The following EPHB6 variants were observed in gnomAD, a reference collection of about 807,000 sequenced individuals.
EPHB6 encodes ephrin type-B receptor 6.
Under a neutral mutation model 107.0 loss-of-function variants are expected in EPHB6, and 51 were observed. That is an observed-to-expected ratio of 0.48 (90% confidence interval 0.38 to 0.60). EPHB6 has a LOEUF of 0.60. EPHB6 is among the 20% of genes least tolerant of loss of function. EPHB6 has a pLI of 0.00. For missense variants in EPHB6, 1,141 were observed against 1,355.5 expected (o/e 0.84, Z 2.48); for synonymous variants, 553 against 549.0 (o/e 1.01, Z -0.10).
chr7:142,869,048 G>A lies in EPHB6; in HGVS notation c.2361G>A (p.Leu787=). The A allele has an allele frequency of 7.4e-6, 12 of 1,613,354 alleles. No homozygotes were observed. The highest frequency in any genetic ancestry group is 9.3e-6 in the Non-Finnish European group (11 of 1,180,018). ...GAGTGGCTGCTGCCATGCAGTACCTGTCCAGCTTTGCCTTCGTCCATCGCT... is the reference window on the plus strand; with the variant it reads ...GAGTGGCTGCTGCCATGCAGTACCTATCCAGCTTTGCCTTCGTCCATCGCT... ...QRGVAAAMQY[L]SSFAFVHRSL... is the part of the protein sequence containing the mutation. The change falls in exon 16 of 20, where the codon CTG becomes CTA. Residue 787 remains leucine, a synonymous_variant. Coordinates refer to ENST00000652003, the MANE Select transcript of EPHB6 (RefSeq NM_004445.6). This position sits in a 1 kb window ranked among gnomAD's most constrained non-coding sequence, Gnocchi z 4.5.
rs1224855507 is a variant in EPHB6 at position 142,869,412 on chromosome 7, G to A, written c.2460+265G>A. 2.6e-5 allele frequency among the ~76,000 whole-genome samples: 4 copies of A among 152,158 alleles called. No homozygotes were observed. Among genetic ancestry groups the A allele is most frequent in the Admixed American group, 1.3e-4 (2 of 15,270 alleles). On this transcript the variant is annotated intron_variant, in intron 16 of 19. Coordinates refer to ENST00000652003, the MANE Select transcript of EPHB6 (RefSeq NM_004445.6). The surrounding 1 kb of genome is among the most constrained non-coding windows in gnomAD (Gnocchi z 4.5). ...CTACCTCCTGCCCTTCCCCCATTGT[G>A]GAGATTACACAGACTCCAGAGTCAG...
intron 1 of EPHB6, among the ~76,000 whole-genome samples, chr7:142,860,293 A>G (rs964270554): frequency 1.3e-5 from 2 of 152,236 alleles, no homozygotes; most frequent in East Asian, 3.8e-4. Context: ...TTCTAGGCAA[A>G]TGGTAAAATA....
Position 142,869,856 on chromosome 7 carries a change from A to G in EPHB6, c.2500A>G (p.Ile834Val). 1 of 1,614,214 alleles carries G rather than the reference A, an allele frequency of 6.2e-7. No individual in the cohort carries two copies. Residue 834 changes from isoleucine (I) to valine (V), a missense_variant, in exon 17 of 20, where the codon ATT (isoleucine) becomes GTT (valine). By Grantham distance (29) the Ile-to-Val change is conservative. Transcript: ENST00000652003. This position sits in a 1 kb window ranked among gnomAD's most constrained non-coding sequence, Gnocchi z 4.5. Reference protein sequence around the residue: ...CLLRWAAPEVIAHGKHTTSSD... With the variant: ...CLLRWAAPEVVAHGKHTTSSD... Reference sequence around the variant, plus strand: ...GCTTCGCTGGGCAGCCCCAGAGGTCATTGCACATGGAAAGCATACAACATC... The same window carrying G: ...GCTTCGCTGGGCAGCCCCAGAGGTCGTTGCACATGGAAAGCATACAACATC...
rs970808088 is a variant in EPHB6, at chr7:142,868,659, G to C, written c.2206G>C (p.Glu736Gln). 4 of 1,613,852 alleles carry C rather than the reference G, an allele frequency of 2.5e-6. No individual in the cohort carries two copies. Among genetic ancestry groups the C allele is most frequent in the Non-Finnish European group, 3.4e-6 (4 of 1,180,040 alleles). The stretch of plus-strand genomic sequence containing the variant: ...CCAGCACCCCAACATCCTGCGGCTG[G>C]AGGGCGTGGTCACCAAGAGCCGACC... ...QFQHPNILRL[E>Q]GVVTKSRPLM... is the part of the protein sequence containing the mutation. Residue 736 changes from glutamate to glutamine, a missense_variant, in exon 15 of 20, where the codon GAG becomes CAG. By Grantham distance (29) the Glu-to-Gln change is conservative (BLOSUM62 2). This residue lies in a region of EPHB6 where 616 missense variants were observed against 759.3 expected (regional missense o/e 0.81). Transcript: ENST00000652003. The surrounding 1 kb of genome is among the most constrained non-coding windows in gnomAD (Gnocchi z 4.2).
intron 6 of EPHB6, 44 bp downstream of exon 6, chr7:142,863,739 C>T (rs1286043061): frequency 1.3e-6 from 2 of 1,598,234 alleles, no homozygotes; most frequent in South Asian, 2.2e-5. Flanking sequence ...TTGGCCCTGC[C>T]CCTCCCTGTT....
At position 142,864,424 on chromosome 7, in the gene EPHB6, C is replaced by A. The variant is rs143064665; in HGVS notation, c.624C>A (p.Arg208=). ...KERSFGPLTQ[R]GFYVAFQDTG... ...GGAGCTTTGGGCCTCTCACCCAACG[C>A]GGCTTCTACGTGGCCTTCCAGGACA... The change falls in exon 7 of 20, where the codon CGC becomes CGA. Residue 208 remains arginine (R), a synonymous_variant. Coordinates refer to ENST00000652003, the MANE Select transcript of EPHB6 (RefSeq NM_004445.6). 6.2e-7 allele frequency: 1 copy of A among 1,612,078 alleles called. No homozygotes were observed. The highest frequency in any genetic ancestry group is 8.5e-7 in the Non-Finnish European group (1 of 1,179,144).
In EPHB6 at chr7:142,870,350, T is replaced by C; in HGVS notation, c.2747T>C (p.Phe916Ser). ...CATTTTGACCAGCTGGTGGCTGCAT[T>C]TGACAAGATGATCCGCAAGCCAGAT... ...RPHFDQLVAA[F>S]DKMIRKPDTL... The change falls in exon 18 of 20, where the codon TTT becomes TCT. Residue 916 changes from phenylalanine to serine, a missense_variant. Phe to Ser is a radical substitution (Grantham distance 155). Transcript: ENST00000652003. 1 of 1,614,118 alleles carries C rather than the reference T, an allele frequency of 6.2e-7. No homozygotes were observed. The highest frequency in any genetic ancestry group is 8.5e-7 in the Non-Finnish European group (1 of 1,180,024).
chr7:142,865,184 C>T (rs1244925576), intron 7 of EPHB6, among the ~76,000 whole-genome samples: 2 of 152,156 alleles, frequency 1.3e-5, no homozygotes. Flanking sequence ...AGCAGGCCTC[C>T]GCAGAGGGAG....
At chr7:142,863,469 A>T in intron 5 of EPHB6, 142 bp downstream of exon 5, 1 of 1,180,136 alleles carries the variant, frequency 8.5e-7, no homozygotes, top group Non-Finnish European at 1.3e-6. Context: ...GAAGACCCAC[A>T]TCAGATTTGT....
chr7:142,869,905 T>C lies in EPHB6; in HGVS notation c.2549T>C (p.Ile850Thr). The C allele has an allele frequency of 2.5e-6, 4 of 1,614,204 alleles. No individual in the cohort carries two copies. Among genetic ancestry groups the C allele is most frequent in the Non-Finnish European group, 3.4e-6 (4 of 1,180,030 alleles). ...TTSSDVWSFG[I>T]LMWEVMSYGE... ...TCCAGTGATGTCTGGAGCTTTGGGA[T>C]ACTCATGTGGGAAGTGATGAGTTAT... is the stretch of plus-strand genomic sequence containing the variant. The change falls in exon 17 of 20, where the codon ATA becomes ACA. Residue 850 changes from isoleucine to threonine, a missense_variant. Physicochemically the swap from Ile to Thr is moderately conservative, Grantham distance 89. Transcript: ENST00000652003. The surrounding 1 kb of genome is among the most constrained non-coding windows in gnomAD (Gnocchi z 4.5).
At chr7:142,857,339 A>G (rs1270155710) in intron 1 of EPHB6, among the ~76,000 whole-genome samples, 1 of 152,176 alleles carries the variant, frequency 6.6e-6, no homozygotes, top group African/African-American at 2.4e-5. Flanking sequence ...CCACCTCCTC[A>G]CTGTCTGTCC....
chr7:142,870,804 C>G lies in EPHB6; in HGVS notation c.2969C>G (p.Pro990Arg). 6.2e-7 allele frequency: 1 copy of G among 1,614,204 alleles called. No homozygotes were observed. The highest frequency in any genetic ancestry group is 1.1e-5 in the South Asian group (1 of 91,086). The change falls in exon 20 of 20, where the codon CCT (proline) becomes CGT (arginine). Residue 990 changes from proline to arginine, a missense_variant. Physicochemically the swap from Pro to Arg is moderately radical, Grantham distance 103. Coordinates refer to ENST00000652003, the MANE Select transcript of EPHB6 (RefSeq NM_004445.6). ...DVAQLSLEDL[P>R]ALGITLAGHQ... The stretch of plus-strand genomic sequence containing the variant: ...CCTTCCCTCCCCACCAGAGACCTGC[C>G]TGCCCTGGGCATCACCCTGGCTGGC...
chr7:142,868,985 C>T lies in EPHB6; in HGVS notation c.2298C>T (p.Gly766=), dbSNP rs1391242361. Residue 766 remains glycine (G), a synonymous_variant, in exon 16 of 20, where the codon GGC becomes GGT. Coordinates refer to ENST00000652003, the MANE Select transcript of EPHB6 (RefSeq NM_004445.6). This position sits in a 1 kb window ranked among gnomAD's most constrained non-coding sequence, Gnocchi z 4.2. ...PLDSFLRQRE[G]QFSSLQLVAM... is the part of the protein sequence containing the mutation. ...CCCCTTCCCCTCAGCAGCGGGAGGGCCAGTTCAGCAGCCTGCAGCTGGTGG... is the reference window on the plus strand; with the variant it reads ...CCCCTTCCCCTCAGCAGCGGGAGGGTCAGTTCAGCAGCCTGCAGCTGGTGG... The T allele has an allele frequency of 2.5e-6, 4 of 1,609,442 alleles. No homozygotes were observed. In the Admixed American group the frequency reaches 5.0e-5, roughly 20 times the overall value.
At chr7:142,862,366 G>A (rs908630709) in intron 3 of EPHB6, among the ~76,000 whole-genome samples, 1 of 152,202 alleles carries the variant, frequency 6.6e-6, no homozygotes, top group African/African-American at 2.4e-5. Flanking sequence ...CAAACAAGAA[G>A]CATCTTTTCA....
Position 142,867,731 on chromosome 7 carries a change from C to T in EPHB6, c.1865+9C>T, listed in dbSNP as rs757883624. On this transcript the variant is annotated intron_variant, in intron 12 of 19. Transcript: ENST00000652003. This position sits in a 1 kb window ranked among gnomAD's most constrained non-coding sequence, Gnocchi z 5.3. ...GCGGTCGTCTTCCAGCGGTGAGTCC[C>T]CACCCCTGCCCAACTCTGCCCAGCA... 6.2e-7 allele frequency: 1 copy of T among 1,601,880 alleles called. No individual in the cohort carries two copies. Among genetic ancestry groups the T allele is most frequent in the Admixed American group, 1.7e-5 (1 of 58,722 alleles).
chr7:142,860,402 C>A (rs140410167), intron 1 of EPHB6, among the ~76,000 whole-genome samples: 1 of 152,200 alleles, frequency 6.6e-6, no homozygotes, highest in Non-Finnish European at 1.5e-5. Context: ...GTGTCAAGCA[C>A]GTCTCCAAAT....
At position 142,867,297 on chromosome 7, in the gene EPHB6, ATG is replaced by A. The variant is rs1040331789; in HGVS notation, c.1750+241_1750+242del. ...GTGTGGATATAGGAGGGCTGTGGGG[ATG>A]TGTGTGTGTGTTGTGTGTCCCTGGG... On this transcript the variant is annotated intron_variant, in intron 11 of 19. Transcript: ENST00000652003. This position sits in a 1 kb window ranked among gnomAD's most constrained non-coding sequence, Gnocchi z 5.3. 2.6e-4 allele frequency: 163 copies of A among 624,810 alleles called. No individual in the cohort carries two copies. Among genetic ancestry groups the A allele is most frequent in the African/African-American group, 4.7e-4 (25 of 53,558 alleles). The allele number at this position is 624,810 out of a possible 1,614,324, so 38.7% of individuals were successfully genotyped here.
rs1246955064 is a variant in EPHB6, at chr7:142,863,123, T to C, written c.-101-4T>C. Reference sequence around the variant, plus strand: ...GCCTCTTCTGGTCTTGTGTGTCTCCTCAGGAAGCAAGCTTAGCTGTACACC... The same window carrying C: ...GCCTCTTCTGGTCTTGTGTGTCTCCCCAGGAAGCAAGCTTAGCTGTACACC... On this transcript the variant is annotated splice_region_variant and splice_polypyrimidine_tract_variant and intron_variant, in intron 4 of 19. Coordinates refer to ENST00000652003, the MANE Select transcript of EPHB6 (RefSeq NM_004445.6). The C allele has an allele frequency of 4.3e-6, 4 of 931,932 alleles. No individual in the cohort carries two copies. The highest frequency in any genetic ancestry group is 3.4e-6 in the Non-Finnish European group (2 of 594,824). 57.7% of individuals were successfully genotyped at this position (931,932 alleles called of 1,614,324 possible).
intron 1 of EPHB6, among the ~76,000 whole-genome samples, chr7:142,858,213 G>A (rs987396200): frequency 6.6e-6 from 1 of 151,934 alleles, no homozygotes; most frequent in Admixed American, 6.6e-5. Context: ...CCATTTTAAT[G>A]GCCTAATATG....
Sources: gnomAD v4.1 joint callset for allele counts (sites outside exome capture counted in the v4.1 genomes callset) on GRCh38, gnomAD v4.1.1 for gene constraint, gnomAD v4.1.1 regional missense constraint, Gnocchi (gnomAD v3.1) non-coding constraint, MANE v1.5 for transcripts, NCBI Gene and HGNC (gene_info 2026-07-23, HGNC 2026-07-21) for gene names.